The following ARMH4 variants were observed in gnomAD, a reference collection of about 807,000 sequenced individuals.
ARMH4 encodes armadillo like helical domain containing 4.
ARMH4 carries 49 observed loss-of-function variants against 61.9 expected under a neutral mutation model. That is an observed-to-expected ratio of 0.79 (90% CI 0.63 to 1.00). ARMH4 has a LOEUF of 1.00. ARMH4 is among the 50% of genes least tolerant of loss of function. The pLI is 0.00. For synonymous variants in ARMH4, 368 were observed against 341.5 expected, an observed-to-expected ratio of 1.08 and a Z score of -0.85; for missense variants, 934 against 930.0, an observed-to-expected ratio of 1.00 and a Z score of -0.06.
chr14:58,020,351 T>C (rs1882778292), intron 5 of ARMH4, among the ~76,000 whole-genome samples: 1 of 152,164 alleles, frequency 6.6e-6, no homozygotes, highest in Non-Finnish European at 1.5e-5. Context: ...CACCTGGTAT[T>C]CTGACTCCTT....
At chr14:58,094,097 C>A (rs1243993305) in intron 5 of ARMH4, among the ~76,000 whole-genome samples, 3 of 151,922 alleles carry the variant, frequency 2.0e-5, no homozygotes, top group Non-Finnish European at 4.4e-5. Flanking sequence ...TGGGAGGCCA[C>A]GGCGGGCAGA....
In ARMH4 at chr14:58,002,630, T is replaced by C. The variant is rs1004414757; in HGVS notation, c.*2106A>G. The C allele has an allele frequency of 6.6e-6, 1 of 152,328 alleles. No individual in the cohort carries two copies. Among genetic ancestry groups the C allele is most frequent in the East Asian group, 1.9e-4 (1 of 5,180 alleles). 9.4% of individuals were successfully genotyped at this position (152,328 alleles called of 1,614,324 possible). On this transcript the variant is annotated 3_prime_UTR_variant, in exon 8 of 8. Coordinates refer to ENST00000267485, the MANE Select transcript of ARMH4 (RefSeq NM_001001872.4). ...TGGCCTACGACGTATTCTCAACAAA[T>C]AGTTTGTCAAGAATACAAAGACAGT...
chr14:58,065,166 T>C (rs974722995), intron 5 of ARMH4, among the ~76,000 whole-genome samples: 3 of 152,060 alleles, frequency 2.0e-5, no homozygotes, highest in Admixed American at 2.0e-4. Context: ...TGCTTGAAAC[T>C]GGGAGGCAGA....
intron 4 of ARMH4, among the ~76,000 whole-genome samples, chr14:58,130,353 A>T (rs971621673): frequency 6.6e-6 from 1 of 152,230 alleles, no homozygotes; most frequent in East Asian, 1.9e-4. Flanking sequence ...TGTTACCCAG[A>T]AAGTCTGCAC....
intron 5 of ARMH4, among the ~76,000 whole-genome samples, chr14:58,086,720 A>C (rs1233908841): frequency 6.6e-6 from 1 of 152,162 alleles, no homozygotes; most frequent in Non-Finnish European, 1.5e-5. Flanking sequence ...AGATGTTCTG[A>C]GGTTCCCCAA....
At chr14:58,123,385 T>C (rs1886792203) in intron 4 of ARMH4, among the ~76,000 whole-genome samples, 1 of 152,088 alleles carries the variant, frequency 6.6e-6, no homozygotes, top group African/African-American at 2.4e-5. Context: ...CAGTACCCCC[T>C]TAGACCCAAG....
Position 58,051,459 on chromosome 14 carries a change from G to A in ARMH4, c.2090-39309C>T, listed in dbSNP as rs559859142. On this transcript the variant is annotated intron_variant, in intron 5 of 7. Transcript: ENST00000267485. ...CATGGCACACCACTGGTCTAGGCCA[G>A]GACTACTGAATGTTCAACTGATGGA... is the stretch of plus-strand genomic sequence containing the variant. Among the ~76,000 whole-genome samples the A allele has an allele frequency of 1.6e-3, 240 of 152,276 alleles. 1 individual carries two copies. The highest frequency in any genetic ancestry group is 2.7e-3 in the Non-Finnish European group (183 of 68,034).
chr14:58,005,330 T>C (rs1157991719), intron 6 of ARMH4, 148 bp from the exon 7 acceptor site: 1 of 999,288 alleles, frequency 1.0e-6, no homozygotes, highest in Non-Finnish European at 1.4e-6. Context: ...TAAAATACAG[T>C]AACTTTTTAG....
chr14:58,148,583 A>T (rs1218324128), intron 1 of ARMH4, among the ~76,000 whole-genome samples: 3 of 152,238 alleles, frequency 2.0e-5, no homozygotes, highest in Non-Finnish European at 4.4e-5. Flanking sequence ...TAATAAGGGT[A>T]GGCACAAAGA....
At chr14:58,141,055 T>C (rs746142522) in intron 1 of ARMH4, among the ~76,000 whole-genome samples, 19 of 152,184 alleles carry the variant, frequency 1.2e-4, no homozygotes, top group Non-Finnish European at 2.4e-4. Context: ...TCTCCAGAAC[T>C]GTAAGAAATA....
At chr14:58,115,606 A>G (rs751188682) in intron 4 of ARMH4, among the ~76,000 whole-genome samples, 2 of 152,222 alleles carry the variant, frequency 1.3e-5, no homozygotes, top group Non-Finnish European at 2.9e-5. Flanking sequence ...ATTCTACCAA[A>G]AAAACATGCA....
chr14:58,147,056 C>T (rs1027915236), intron 1 of ARMH4, among the ~76,000 whole-genome samples: 4 of 152,178 alleles, frequency 2.6e-5, no homozygotes, highest in African/African-American at 9.6e-5. Context: ...AAAGCTACCT[C>T]ATCTTGGCTT....
chr14:58,042,831 A>G (rs1383570085), intron 5 of ARMH4, among the ~76,000 whole-genome samples: 1 of 152,206 alleles, frequency 6.6e-6, no homozygotes, highest in Admixed American at 6.5e-5. Context: ...ACACAAATAA[A>G]CTAGAAAATC....
chr14:58,045,162 T>C (rs1037956126), intron 5 of ARMH4, among the ~76,000 whole-genome samples: 11 of 152,186 alleles, frequency 7.2e-5, no homozygotes, highest in Admixed American at 5.2e-4. Context: ...CACATGCACA[T>C]GTATGTTGAT....
At chr14:58,116,499 AC>A (rs1164203184) in intron 4 of ARMH4, 1 of 249,414 alleles carries the variant, frequency 4.0e-6, no homozygotes, top group African/African-American at 2.3e-5. Context: ...ACATGGTGAA[AC>A]CCCGTCTCTA....
At chr14:58,038,368 C>T (rs1399488482) in intron 5 of ARMH4, among the ~76,000 whole-genome samples, 1 of 104,860 alleles carries the variant, frequency 9.5e-6, no homozygotes, top group Non-Finnish European at 1.9e-5. Context: ...CACATGGACA[C>T]AGGAAGGGGA....
chr14:58,150,384 A>C (rs753376476), intron 1 of ARMH4, among the ~76,000 whole-genome samples: 2 of 152,244 alleles, frequency 1.3e-5, no homozygotes, highest in African/African-American at 2.4e-5. Flanking sequence ...ACAAAAATAC[A>C]ATTCCATACA....
intron 5 of ARMH4, among the ~76,000 whole-genome samples, chr14:58,093,081 G>A (rs1470192631): frequency 1.3e-5 from 2 of 151,956 alleles, no homozygotes; most frequent in African/African-American, 4.8e-5. Context: ...TGATTTTATA[G>A]GGGGCTTTTA....
chr14:58,075,792 C>A (rs1885027148), intron 5 of ARMH4, among the ~76,000 whole-genome samples: 1 of 152,146 alleles, frequency 6.6e-6, no homozygotes, highest in Admixed American at 6.5e-5. Context: ...AGAGCAGCAT[C>A]TTCACAATCA....
Sources: gnomAD v4.1 joint callset for allele counts (sites outside exome capture counted in the v4.1 genomes callset) on GRCh38, gnomAD v4.1.1 for gene constraint, MANE v1.5 for transcripts, NCBI Gene and HGNC (gene_info 2026-07-23, HGNC 2026-07-21) for gene names.